The following ADCY10 variants were observed in gnomAD, a reference collection of about 807,000 sequenced individuals.
ADCY10 encodes the protein adenylate cyclase 10, also known as adenylate cyclase type 10.
A neutral mutation model predicts 183.3 loss-of-function variants in ADCY10; 156 were observed. That is an observed-to-expected ratio of 0.85 (90% CI 0.75 to 0.97). The LOEUF (loss-of-function observed/expected upper bound fraction) is 0.97. ADCY10 is among the 50% of genes least tolerant of loss of function. The pLI is 0.00. For missense variants in ADCY10, 1,745 were observed against 1,934.3 expected (o/e 0.90, Z 1.84); for synonymous variants, 645 against 670.0 (o/e 0.96, Z 0.58).
At chr1:167,847,485 G>C (rs1350544052) in intron 19 of ADCY10, among the ~76,000 whole-genome samples, 6 of 150,828 alleles carry the variant, frequency 4.0e-5, no homozygotes, top group African/African-American at 1.5e-4. Context: ...GCGTGATCTC[G>C]GCTCACTGCA....
chr1:167,890,932 C>T (rs1005952116), intron 8 of ADCY10, among the ~76,000 whole-genome samples: 1 of 152,144 alleles, frequency 6.6e-6, no homozygotes, highest in African/African-American at 2.4e-5. Flanking sequence ...AATCTCCAGA[C>T]TCCTCATCCA....
At chr1:167,845,441 T>C in intron 21 of ADCY10, 122 bp downstream of exon 21, 2 of 1,020,372 alleles carry the variant, frequency 2.0e-6, no homozygotes, top group Non-Finnish European at 3.0e-6. Flanking sequence ...AGTCTCATCA[T>C]TCTTTGTGCC....
At chr1:167,884,593 T>C (rs964871858) in intron 8 of ADCY10, among the ~76,000 whole-genome samples, 1 of 152,116 alleles carries the variant, frequency 6.6e-6, no homozygotes, top group Non-Finnish European at 1.5e-5. Context: ...TCTTTTTTTG[T>C]ACTCATTGAC....
rs1189530863 is a variant in ADCY10 at position 167,846,194 on chromosome 1, A to T, written c.2507T>A (p.Ile836Asn). Residue 836 changes from isoleucine (I) to asparagine (N), a missense_variant, in exon 20 of 33, where the codon ATT becomes AAT. Coordinates refer to ENST00000367851, the MANE Select transcript of ADCY10 (RefSeq NM_018417.6). ...HQMLVRCAAI[I>N]GLTFTTELLF... ...CAACTCAGTGGTGAAGGTCAGGCCA[A>T]TGATGGCAGCACATCTCACCAGCAT... 6.2e-7 allele frequency: 1 copy of T among 1,614,254 alleles called. No individual in the cohort carries two copies. The highest frequency in any genetic ancestry group is 8.5e-7 in the Non-Finnish European group (1 of 1,180,046).
At chr1:167,901,332 A>T (rs968915703) in intron 5 of ADCY10, among the ~76,000 whole-genome samples, 6 of 152,146 alleles carry the variant, frequency 3.9e-5, no homozygotes, top group Non-Finnish European at 5.9e-5. Context: ...TATACTGCAC[A>T]ACCTTGACAA....
At chr1:167,817,936 A>G in intron 31 of ADCY10, 136 bp downstream of exon 31, 1 of 854,938 alleles carries the variant, frequency 1.2e-6, no homozygotes, top group Non-Finnish European at 1.8e-6. Flanking sequence ...TTTCTTTCTT[A>G]CTTTGGGGAA....
Position 167,848,329 on chromosome 1 carries a change from G to T in ADCY10, c.2437+32C>A, listed in dbSNP as rs771884915. On this transcript the variant is annotated intron_variant, in intron 19 of 32. Coordinates refer to ENST00000367851, the MANE Select transcript of ADCY10 (RefSeq NM_018417.6). Reference sequence around the variant, plus strand: ...CTCCCAAAGTGCTGGGATTACAGGCGTGAGCCACTGCGCCCGGCCAGATTT... The same window carrying T: ...CTCCCAAAGTGCTGGGATTACAGGCTTGAGCCACTGCGCCCGGCCAGATTT... 2.5e-6 allele frequency: 4 copies of T among 1,602,058 alleles called. No homozygotes were observed. In the East Asian group the frequency reaches 6.7e-5, roughly 27 times the overall value.
chr1:167,872,854 G>A (rs963429870), intron 13 of ADCY10, among the ~76,000 whole-genome samples: 2 of 151,062 alleles, frequency 1.3e-5, no homozygotes, highest in African/African-American at 2.4e-5. Context: ...GGCAGATCAC[G>A]AGATCAGGAG....
intron 5 of ADCY10, among the ~76,000 whole-genome samples, chr1:167,900,473 AG>A (rs1669327366): frequency 2.6e-5 from 4 of 152,210 alleles, no homozygotes; most frequent in Non-Finnish European, 4.4e-5. Context: ...GTACTAACTT[AG>A]AAAAAATATT....
intron 21 of ADCY10, among the ~76,000 whole-genome samples, chr1:167,842,284 T>C (rs1048805633): frequency 1.3e-5 from 2 of 152,156 alleles, no homozygotes; most frequent in African/African-American, 2.4e-5. Context: ...GGACTATAGA[T>C]GTGTGCCATC....
At chr1:167,832,769 C>T (rs1276045268) in intron 25 of ADCY10, among the ~76,000 whole-genome samples, 2 of 152,184 alleles carry the variant, frequency 1.3e-5, no homozygotes, top group African/African-American at 4.8e-5. Context: ...TTTGAGTCAT[C>T]AAAATTCCCT....
At chr1:167,826,022 T>C (rs1444286930) in intron 26 of ADCY10, among the ~76,000 whole-genome samples, 1 of 152,100 alleles carries the variant, frequency 6.6e-6, no homozygotes, top group Non-Finnish European at 1.5e-5. Context: ...GGTGGGAGTA[T>C]TGGGGTCGGG....
At chr1:167,879,387 A>G (rs1667717557) in intron 11 of ADCY10, among the ~76,000 whole-genome samples, 1 of 152,192 alleles carries the variant, frequency 6.6e-6, no homozygotes, top group African/African-American at 2.4e-5. Flanking sequence ...GTGTCACTTT[A>G]ACATAAACTT....
intron 16 of ADCY10, among the ~76,000 whole-genome samples, chr1:167,859,554 G>GA (rs1344245534): frequency 6.6e-6 from 1 of 152,140 alleles, no homozygotes; most frequent in Non-Finnish European, 1.5e-5. Flanking sequence ...AACAAAGGAT[G>GA]AAAAAATGAG....
chr1:167,840,893 T>C (rs1447052397), intron 21 of ADCY10, among the ~76,000 whole-genome samples: 1 of 151,942 alleles, frequency 6.6e-6, no homozygotes. Flanking sequence ...TTATCTTCTG[T>C]CTCCCCAGGT....
chr1:167,861,041 T>C lies in ADCY10; in HGVS notation c.1639A>G (p.Lys547Glu), dbSNP rs1666247181. The C allele has an allele frequency of 6.2e-7, 1 of 1,614,134 alleles. No homozygotes were observed. Among genetic ancestry groups the C allele is most frequent in the Non-Finnish European group, 8.5e-7 (1 of 1,179,980 alleles). ...NHRIIAISLN[K>E]ISFHQTFYTI... ...TAGAAAGTTTGATGGAAGCTGATCT[T>C]ATTCAATGAAATGGCAATAATCCTG... Residue 547 changes from lysine to glutamate, a missense_variant, in exon 15 of 33, where the codon AAG becomes GAG. By Grantham distance (56) the Lys-to-Glu change is moderately conservative (BLOSUM62 1). Transcript: ENST00000367851.
At chr1:167,831,315 G>A (rs1448003007) in intron 25 of ADCY10, among the ~76,000 whole-genome samples, 2 of 151,928 alleles carry the variant, frequency 1.3e-5, no homozygotes, top group Admixed American at 6.6e-5. Context: ...TCAACCTTCC[G>A]AGTAGCTGGG....
rs1179109645 is a variant in ADCY10, at chr1:167,880,189, G to A, written c.1142C>T (p.Thr381Ile). ...CCCACTGGCAACACCGATGGATACA[G>A]TTCTGGTGCAGGGGAGACAAGATTT... is the stretch of plus-strand genomic sequence containing the variant. Reference protein sequence around the residue: ...DFCSQVHKIQTVSIGVASGIV... With the variant: ...DFCSQVHKIQIVSIGVASGIV... The change falls in exon 11 of 33, where the codon ACT (threonine) becomes ATT (isoleucine). Residue 381 changes from threonine to isoleucine, a missense_variant and splice_region_variant. Thr to Ile is a moderately conservative substitution (Grantham distance 89). Transcript: ENST00000367851. 1.2e-6 allele frequency: 2 copies of A among 1,612,498 alleles called. No homozygotes were observed. The highest frequency in any genetic ancestry group is 1.1e-5 in the South Asian group (1 of 90,570).
intron 8 of ADCY10, among the ~76,000 whole-genome samples, chr1:167,892,464 T>G (rs1369118866): frequency 6.6e-6 from 1 of 152,206 alleles, no homozygotes; most frequent in Non-Finnish European, 1.5e-5. Context: ...CTTCACCAGG[T>G]AAACATTTTT....
Sources: gnomAD v4.1 joint callset for allele counts (sites outside exome capture counted in the v4.1 genomes callset) on GRCh38, gnomAD v4.1.1 for gene constraint, MANE v1.5 for transcripts, NCBI Gene and HGNC (gene_info 2026-07-23, HGNC 2026-07-21) for gene names.